Variants in PCDHGA8 observed in about 807,000 individuals in gnomAD.
PCDHGA8 encodes the protein protocadherin gamma subfamily A, 8.
In PCDHGA8, 45 loss-of-function variants were observed where a neutral mutation model predicts 59.2. The ratio of observed to expected loss-of-function variants is 0.76; its 90% CI spans 0.60 to 0.98. The LOEUF is 0.98. Among genes scored for constraint, PCDHGA8 ranks in the 50% least tolerant of loss-of-function variants. PCDHGA8 has a pLI of 0.00. For synonymous variants in PCDHGA8, 531 were observed against 519.0 expected, an observed-to-expected ratio of 1.02 and a Z score of -0.32; for missense variants, 1,257 against 1,196.2, an observed-to-expected ratio of 1.05 and a Z score of -0.75.
chr5:141,408,694 A>T (rs2095152952), intron 1 of PCDHGA8: 1 of 1,613,772 alleles, frequency 6.2e-7, no homozygotes, highest in African/African-American at 1.3e-5. Flanking sequence ...ATATAAACAT[A>T]AACTCAATTA....
rs758579068 is a variant in PCDHGA8, at chr5:141,485,232, T to C, written c.2425-9575T>C. 6.2e-7 allele frequency: 1 copy of C among 1,614,136 alleles called. No individual in the cohort carries two copies. The highest frequency in any genetic ancestry group is 8.5e-7 in the Non-Finnish European group (1 of 1,180,016). Reference sequence around the variant, plus strand: ...TGGCGGTGGGCTACCCTTTTGTTCCTCTTTTACCACCTGGGTTACGTTTGT... The same window carrying C: ...TGGCGGTGGGCTACCCTTTTGTTCCCCTTTTACCACCTGGGTTACGTTTGT... On this transcript the variant is annotated intron_variant, in intron 1 of 3. Coordinates refer to ENST00000398604, the MANE Select transcript of PCDHGA8 (RefSeq NM_032088.2). This position sits in a 1 kb window ranked among gnomAD's most constrained non-coding sequence, Gnocchi z 5.7.
At position 141,432,651 on chromosome 5, in the gene PCDHGA8, C is replaced by A; in HGVS notation, c.2424+37414C>A. 2.5e-6 allele frequency: 4 copies of A among 1,613,824 alleles called. No individual in the cohort carries two copies. The highest frequency in any genetic ancestry group is 1.1e-5 in the South Asian group (1 of 91,058). ...ACGGGCGAGGTGCGCACGGCGCGAG[C>A]CCTGCTGGACAGAGACGCGCTCAAG... On this transcript the variant is annotated intron_variant, in intron 1 of 3. Coordinates refer to ENST00000398604, the MANE Select transcript of PCDHGA8 (RefSeq NM_032088.2). This position sits in a 1 kb window ranked among gnomAD's most constrained non-coding sequence, Gnocchi z 6.0.
chr5:141,417,980 C>G lies in PCDHGA8; in HGVS notation c.2424+22743C>G, dbSNP rs905203424. On this transcript the variant is annotated intron_variant, in intron 1 of 3. Coordinates refer to ENST00000398604, the MANE Select transcript of PCDHGA8 (RefSeq NM_032088.2). ...GATCCGCTACTCGATTCCGGAGGAG[C>G]TGGCCAAGGGCTCGGTGGTGGGGAA... is the stretch of plus-strand genomic sequence containing the variant. The G allele has an allele frequency of 1.9e-6, 3 of 1,613,738 alleles. No individual in the cohort carries two copies. In the African/African-American group the frequency reaches 4.0e-5, roughly 22 times the overall value.
chr5:141,419,248 AAAC>A (rs1229992972), intron 1 of PCDHGA8: 1 of 1,613,980 alleles, frequency 6.2e-7, no homozygotes, highest in Admixed American at 1.7e-5. Context: ...ACGTGCCAGA[AAAC>A]AACCAGCCGG....
intron 1 of PCDHGA8, chr5:141,479,521 T>C (rs4912607): frequency 0.2 from 30,680 of 152,154 alleles, 3,215 homozygotes; most frequent in Admixed American, 0.29. Flanking sequence ...CTGGCCCAGG[T>C]TGGAAGTGGA....
chr5:141,503,777 G>A (rs2099830497), intron 2 of PCDHGA8, among the ~76,000 whole-genome samples: 1 of 152,074 alleles, frequency 6.6e-6, no homozygotes, highest in South Asian at 2.1e-4. Context: ...TCTGTTCTTA[G>A]GCTGAGTTCA....
At chr5:141,505,767 AGGTCCTAGCTCT>A (rs2099848180) in intron 3 of PCDHGA8, among the ~76,000 whole-genome samples, 1 of 151,756 alleles carries the variant, frequency 6.6e-6, no homozygotes, top group Non-Finnish European at 1.5e-5. Context: ...AGTGTAGCTC[AGGTCCTAGCTCT>A]GCTACTATCC....
intron 1 of PCDHGA8, chr5:141,399,103 C>T (rs376000100): frequency 1.5e-5 from 25 of 1,613,604 alleles, no homozygotes; most frequent in East Asian, 6.7e-5. Context: ...ACTGGTTGCA[C>T]AATGTACAGT....
At position 141,431,159 on chromosome 5, in the gene PCDHGA8, C is replaced by T. The variant is rs1017606383; in HGVS notation, c.2424+35922C>T. Reference sequence around the variant, plus strand: ...CATTAACGACAATGCGCCTTACTTTCGTGAAAGTGAATTAGAAATAAAAAT... The same window carrying T: ...CATTAACGACAATGCGCCTTACTTTTGTGAAAGTGAATTAGAAATAAAAAT... On this transcript the variant is annotated intron_variant, in intron 1 of 3. Transcript: ENST00000398604. The surrounding 1 kb of genome is among the most constrained non-coding windows in gnomAD (Gnocchi z 4.8). 1 of 1,614,158 alleles carries T rather than the reference C, an allele frequency of 6.2e-7. No individual in the cohort carries two copies. The highest frequency in any genetic ancestry group is 1.3e-5 in the African/African-American group (1 of 75,046).
chr5:141,486,645 C>T lies in PCDHGA8; in HGVS notation c.2425-8162C>T, dbSNP rs369948556. ...GACTCTGGCTTGAATGCGCTTATCT[C>T]CTACTCACTCCTGGAGCCCAGGAAT... On this transcript the variant is annotated intron_variant, in intron 1 of 3. Coordinates refer to ENST00000398604, the MANE Select transcript of PCDHGA8 (RefSeq NM_032088.2). This position sits in a 1 kb window ranked among gnomAD's most constrained non-coding sequence, Gnocchi z 5.0. 1.9e-6 allele frequency: 3 copies of T among 1,613,752 alleles called. No individual in the cohort carries two copies. The highest frequency in any genetic ancestry group is 2.2e-5 in the East Asian group (1 of 44,896).
intron 1 of PCDHGA8, chr5:141,428,078 C>A (rs747287202): frequency 1.2e-6 from 2 of 1,609,216 alleles, no homozygotes; most frequent in Admixed American, 3.3e-5. Flanking sequence ...ATTCGGGACA[C>A]AACGCTTGGC....
chr5:141,469,595 CAAAAT>C (rs919167679), intron 1 of PCDHGA8, among the ~76,000 whole-genome samples: 3 of 151,998 alleles, frequency 2.0e-5, no homozygotes, highest in Admixed American at 6.6e-5. Context: ...ATAAATAAAA[CAAAAT>C]AAGTAAAATA....
At chr5:141,397,978 C>G in intron 1 of PCDHGA8, 1 of 1,261,722 alleles carries the variant, frequency 7.9e-7, no homozygotes, top group Non-Finnish European at 1.1e-6. Flanking sequence ...CAGCGCCGGC[C>G]TTTACACCGC....
In PCDHGA8 at chr5:141,490,639, C is replaced by T. The variant is rs1345892739; in HGVS notation, c.2425-4168C>T. 25 of 1,614,200 alleles carry T rather than the reference C, an allele frequency of 1.5e-5. No homozygotes were observed. Among genetic ancestry groups the T allele is most frequent in the East Asian group, 2.2e-5 (1 of 44,878 alleles). ...TTACACTGCTTACATCCTAGAAAAC[C>T]GGCCTCCGGGCTCCCTTCTTTGCAC... On this transcript the variant is annotated intron_variant, in intron 1 of 3. Transcript: ENST00000398604. This position sits in a 1 kb window ranked among gnomAD's most constrained non-coding sequence, Gnocchi z 5.4.
intron 1 of PCDHGA8, chr5:141,422,541 T>G: frequency 6.2e-7 from 1 of 1,613,992 alleles, no homozygotes; most frequent in Non-Finnish European, 8.5e-7. Context: ...CAGAAACTCA[T>G]GTCTGGCTGA....
intron 1 of PCDHGA8, chr5:141,408,314 C>A (rs1408322838): frequency 1.2e-6 from 2 of 1,613,846 alleles, no homozygotes; most frequent in Admixed American, 3.3e-5. Context: ...CTACTCGATT[C>A]CGGAGGAGCT....
Position 141,431,435 on chromosome 5 carries a change from G to T in PCDHGA8, c.2424+36198G>T. On this transcript the variant is annotated intron_variant, in intron 1 of 3. Coordinates refer to ENST00000398604, the MANE Select transcript of PCDHGA8 (RefSeq NM_032088.2). This position sits in a 1 kb window ranked among gnomAD's most constrained non-coding sequence, Gnocchi z 4.8. The stretch of plus-strand genomic sequence containing the variant: ...GGGCGACCCGGTGCGCACAGGCACC[G>T]CGCGCATCCGCGTGATGGTTCTGGA... The T allele has an allele frequency of 6.2e-7, 1 of 1,613,668 alleles. No individual in the cohort carries two copies. Among genetic ancestry groups the T allele is most frequent in the Non-Finnish European group, 8.5e-7 (1 of 1,180,026 alleles).
rs374857095 is a variant in PCDHGA8, at chr5:141,409,142, A to G, written c.2424+13905A>G. 6 of 1,613,904 alleles carry G rather than the reference A, an allele frequency of 3.7e-6. No individual in the cohort carries two copies. In the African/African-American group the frequency reaches 6.7e-5, roughly 18 times the overall value. ...GTCATTTGATTTTGAAGATGTAGAA[A>G]GGTACACCATGGAAGTGGAAGCGAA... is the stretch of plus-strand genomic sequence containing the variant. On this transcript the variant is annotated intron_variant, in intron 1 of 3. Coordinates refer to ENST00000398604, the MANE Select transcript of PCDHGA8 (RefSeq NM_032088.2).
chr5:141,477,013 T>C lies in PCDHGA8; in HGVS notation c.2425-17794T>C. ...TGCGGCAACTATTCGCCTTAGACCT[T>C]GTAACCGGGATGCTGACAATCAAGG... On this transcript the variant is annotated intron_variant, in intron 1 of 3. Coordinates refer to ENST00000398604, the MANE Select transcript of PCDHGA8 (RefSeq NM_032088.2). The surrounding 1 kb of genome is among the most constrained non-coding windows in gnomAD (Gnocchi z 4.9). 6.2e-7 allele frequency: 1 copy of C among 1,614,204 alleles called. No homozygotes were observed. The highest frequency in any genetic ancestry group is 8.5e-7 in the Non-Finnish European group (1 of 1,180,028).
Sources: allele counts gnomAD v4.1 joint callset (sites outside exome capture counted in the v4.1 genomes callset), GRCh38; gene constraint gnomAD v4.1.1; non-coding constraint Gnocchi (gnomAD v3.1); transcripts MANE v1.5; gene names NCBI Gene and HGNC (gene_info 2026-07-23, HGNC 2026-07-21).